BARD1: variants seen among roughly 807,000 people sequenced by gnomAD.
The protein encoded by BARD1 is BRCA1-associated RING domain protein 1.
A neutral mutation model predicts 77.0 loss-of-function variants in BARD1; 73 were observed. The ratio of observed to expected loss-of-function variants is 0.95; its 90% CI spans 0.79 to 1.15. The LOEUF is 1.15. BARD1 is among the 50% of genes most tolerant of loss of function. The probability of loss-of-function intolerance (pLI) is 0.00; values close to 1 mark genes in which losing one functional copy is unlikely to be tolerated. For synonymous variants in BARD1, 384 were observed against 338.0 expected, an observed-to-expected ratio of 1.14 and a Z score of -1.49; for missense variants, 993 against 938.8, an observed-to-expected ratio of 1.06 and a Z score of -0.75.
At chr2:214,779,225 G>C (rs1694868766) in intron 4 of BARD1, among the ~76,000 whole-genome samples, 1 of 152,046 alleles carries the variant, frequency 6.6e-6, no homozygotes, top group Non-Finnish European at 1.5e-5. Flanking sequence ...TGGGGGATTG[G>C]TTCCAGAATC....
At chr2:214,774,474 T>C (rs1203016865) in intron 4 of BARD1, among the ~76,000 whole-genome samples, 1 of 152,206 alleles carries the variant, frequency 6.6e-6, no homozygotes, top group Non-Finnish European at 1.5e-5. Context: ...ATCAGAACAC[T>C]TGGGTGACTA....
intron 5 of BARD1, among the ~76,000 whole-genome samples, chr2:214,768,537 C>A (rs1371570012): frequency 6.6e-6 from 1 of 151,582 alleles, no homozygotes; most frequent in African/African-American, 2.4e-5. Context: ...AGCTTTCTTG[C>A]ACCTAGCCTA....
chr2:214,809,247 C>G (rs1696437177), intron 1 of BARD1, among the ~76,000 whole-genome samples, 165 bp downstream of exon 1: 1 of 152,200 alleles, frequency 6.6e-6, no homozygotes, highest in Non-Finnish European at 1.5e-5. Context: ...GAATGAGAAG[C>G]AGAAGTTGTT....
At chr2:214,800,850 A>G (rs1428904714) in intron 1 of BARD1, among the ~76,000 whole-genome samples, 1 of 152,222 alleles carries the variant, frequency 6.6e-6, no homozygotes, top group Non-Finnish European at 1.5e-5. Flanking sequence ...GGCCTTCAAA[A>G]TAATTCTTGA....
At chr2:214,746,462 G>A (rs1197896167) in intron 7 of BARD1, among the ~76,000 whole-genome samples, 1 of 151,978 alleles carries the variant, frequency 6.6e-6, no homozygotes, top group African/African-American at 2.4e-5. Context: ...CTGTAACAAA[G>A]ACTAATAGTT....
At chr2:214,758,526 A>T (rs1243116538) in intron 6 of BARD1, among the ~76,000 whole-genome samples, 1 of 152,212 alleles carries the variant, frequency 6.6e-6, no homozygotes, top group Non-Finnish European at 1.5e-5. Flanking sequence ...TTTCATGATA[A>T]TCTGGAAGTT....
intron 3 of BARD1, among the ~76,000 whole-genome samples, chr2:214,786,350 G>T (rs753143252): frequency 2.0e-5 from 3 of 151,720 alleles, no homozygotes; most frequent in Non-Finnish European, 2.9e-5. Flanking sequence ...TTTCCTTTTA[G>T]TCATTTTTTA....
chr2:214,752,651 A>G lies in BARD1; in HGVS notation c.1569-96T>C, dbSNP rs1693514434. 2.3e-5 allele frequency: 21 copies of G among 896,274 alleles called. 1 individual carries two copies. The highest frequency in any genetic ancestry group is 3.3e-5 in the Non-Finnish European group (18 of 548,146). 55.5% of individuals were successfully genotyped at this position (896,274 alleles called of 1,614,324 possible). A position where few individuals can be genotyped will look rare whatever the true frequency, so the allele number is the denominator to read the frequency against. Reference sequence around the variant, plus strand: ...AATAATATACAATTTTAACTAAAATAAATTACTCAGAACTCATATTAGGCA... The same window carrying G: ...AATAATATACAATTTTAACTAAAATGAATTACTCAGAACTCATATTAGGCA... On this transcript the variant is annotated intron_variant, in intron 6 of 10. Coordinates refer to ENST00000260947, the MANE Select transcript of BARD1 (RefSeq NM_000465.4).
At chr2:214,788,615 G>C (rs1695381573) in intron 3 of BARD1, among the ~76,000 whole-genome samples, 1 of 152,032 alleles carries the variant, frequency 6.6e-6, no homozygotes, top group Non-Finnish European at 1.5e-5. Flanking sequence ...GTTTTTAAAA[G>C]AGAAAATGTG....
At position 214,781,383 on chromosome 2, in the gene BARD1, T is replaced by G. The variant is rs980413835; in HGVS notation, c.491A>C (p.Gln164Pro). 3 of 1,613,782 alleles carry G rather than the reference T, an allele frequency of 1.9e-6. No individual in the cohort carries two copies. The highest frequency in any genetic ancestry group is 1.7e-6 in the Non-Finnish European group (2 of 1,179,938). ...VRYVVSKASV[Q>P]TQPAIKKDAS... ...ATCTTTTTTTATTGCAGGCTGGGTT[T>G]GCACTGAAGCTTTACTCACAACATA... Residue 164 changes from glutamine (Q) to proline (P), a missense_variant, in exon 4 of 11, where the codon CAA (glutamine) becomes CCA (proline). Gln to Pro is a moderately conservative substitution (Grantham distance 76). Transcript: ENST00000260947.
intron 4 of BARD1, among the ~76,000 whole-genome samples, chr2:214,779,381 G>A (rs1023744600): frequency 1.1e-4 from 16 of 151,828 alleles, no homozygotes; most frequent in Non-Finnish European, 1.5e-4. Context: ...GTTGTTATAC[G>A]ATATTTTTTA....
intron 5 of BARD1, 131 bp downstream of exon 5, chr2:214,769,101 T>C: frequency 1.3e-6 from 1 of 759,062 alleles, no homozygotes; most frequent in Non-Finnish European, 2.2e-6. Context: ...TTCTCATACT[T>C]GATGAAAACA....
chr2:214,751,144 TATA>T (rs1559393243), intron 7 of BARD1, among the ~76,000 whole-genome samples: 109 of 45,162 alleles, frequency 2.4e-3, no homozygotes, highest in African/African-American at 3.4e-3. Flanking sequence ...TATATATATA[TATA>T]TATATTTTTT....
intron 7 of BARD1, among the ~76,000 whole-genome samples, chr2:214,749,653 GACTT>G (rs1342965784): frequency 6.6e-6 from 1 of 152,148 alleles, no homozygotes; most frequent in East Asian, 1.9e-4. Flanking sequence ...TGCTCTGTCA[GACTT>G]CAAGTACAAA....
intron 3 of BARD1, among the ~76,000 whole-genome samples, chr2:214,788,887 G>A (rs796977233): frequency 7.2e-5 from 11 of 152,020 alleles, no homozygotes; most frequent in African/African-American, 2.7e-4. Flanking sequence ...AAGGTACTGC[G>A]TAAAATACAC....
At chr2:214,794,497 AT>A (rs1353467237) in intron 2 of BARD1, among the ~76,000 whole-genome samples, 3 of 152,012 alleles carry the variant, frequency 2.0e-5, no homozygotes, top group African/African-American at 4.8e-5. Context: ...GTGCCACTCT[AT>A]TTTTTTCTTT....
rs1692115738 is a variant in BARD1 at position 214,727,104 on chromosome 2, G to A, written c.*1572C>T. On this transcript the variant is annotated 3_prime_UTR_variant, in exon 11 of 11. Coordinates refer to ENST00000260947, the MANE Select transcript of BARD1 (RefSeq NM_000465.4). ...TGTTCATTTTCTATCAGAATGAAAT[G>A]TGGGACAAATGCATTACTGGTTGTA... 4.6e-6 allele frequency: 1 copy of A among 216,126 alleles called. No homozygotes were observed. Among genetic ancestry groups the A allele is most frequent in the South Asian group, 1.9e-4 (1 of 5,370 alleles). 13.4% of individuals were successfully genotyped at this position (216,126 alleles called of 1,614,324 possible).
chr2:214,775,483 C>T lies in BARD1; in HGVS notation c.1314+5077G>A, dbSNP rs184080581. On this transcript the variant is annotated intron_variant, in intron 4 of 10. Coordinates refer to ENST00000260947, the MANE Select transcript of BARD1 (RefSeq NM_000465.4). Reference sequence around the variant, plus strand: ...TGCCCCAAAGCAATTACAATAGTTACATCAAAGATCACTGATCACAAATCA... The same window carrying T: ...TGCCCCAAAGCAATTACAATAGTTATATCAAAGATCACTGATCACAAATCA... Among the ~76,000 whole-genome samples the T allele has an allele frequency of 6.1e-4, 93 of 152,240 alleles. No homozygotes were observed. In the South Asian group the frequency reaches 7.1e-3, roughly 12 times the overall value.
intron 6 of BARD1, among the ~76,000 whole-genome samples, chr2:214,756,011 C>G (rs1158178449): frequency 1.3e-5 from 2 of 152,164 alleles, no homozygotes; most frequent in African/African-American, 4.8e-5. Context: ...TATCAACGGA[C>G]AGTCGCGAAT....
Sources: gnomAD v4.1 joint callset for allele counts (sites outside exome capture counted in the v4.1 genomes callset) on GRCh38, gnomAD v4.1.1 for gene constraint, MANE v1.5 for transcripts, NCBI Gene and HGNC (gene_info 2026-07-23, HGNC 2026-07-21) for gene names.